GPHN: variants seen among roughly 807,000 people sequenced by gnomAD.
The protein encoded by GPHN is gephyrin.
In GPHN, 17 loss-of-function variants were observed where a neutral mutation model predicts 95.5. The ratio of observed to expected loss-of-function variants is 0.18; its 90% confidence interval spans 0.12 to 0.27. GPHN has a LOEUF of 0.27. Ranked by LOEUF, GPHN falls within the 10% of genes least tolerant of loss-of-function variation. The probability of loss-of-function intolerance (pLI) is 1.00; values close to 1 mark genes in which losing one functional copy is unlikely to be tolerated. For synonymous variants in GPHN, 320 were observed against 322.5 expected (o/e 0.99, Z 0.08); for missense variants, 660 against 978.1 (o/e 0.67, Z 4.34).
chr14:66,950,024 G>C (rs967606019), intron 8 of GPHN, among the ~76,000 whole-genome samples: 1 of 121,758 alleles, frequency 8.2e-6, no homozygotes, highest in Admixed American at 8.4e-5. Flanking sequence ...AAAAAGCATA[G>C]ATAAAGAATC....
intron 1 of GPHN, among the ~76,000 whole-genome samples, chr14:66,524,108 A>C (rs1268941565): frequency 6.6e-6 from 1 of 152,188 alleles, no homozygotes; most frequent in East Asian, 1.9e-4. Context: ...TGTGGAGAAA[A>C]TTCACATACA....
intron 11 of GPHN, among the ~76,000 whole-genome samples, chr14:67,087,037 CAAA>C (rs60067524): frequency 1.3e-5 from 1 of 77,228 alleles, no homozygotes; most frequent in Non-Finnish European, 3.1e-5. Flanking sequence ...GACTCTGTCT[CAAA>C]AAAAAAAAAA....
At chr14:67,562,127 C>T in the GPHN span, 25 of 1,610,560 alleles carry the variant, frequency 1.6e-5, no homozygotes, top group Middle Eastern at 1.6e-4. Context: ...TGTTTTTACC[C>T]GAATCACAGC....
At chr14:67,484,150 A>T in the GPHN span, among the ~76,000 whole-genome samples, 2 of 152,108 alleles carry the variant, frequency 1.3e-5, no homozygotes, top group African/African-American at 4.8e-5. Context: ...TCTACATAGC[A>T]CTTTCACTTT....
chr14:66,954,256 G>T (rs1216517404), intron 8 of GPHN, among the ~76,000 whole-genome samples: 1 of 152,068 alleles, frequency 6.6e-6, no homozygotes, highest in Non-Finnish European at 1.5e-5. Flanking sequence ...ATTAAGTATT[G>T]CATTCCATTA....
chr14:67,636,814 C>T, the GPHN span, among the ~76,000 whole-genome samples: 1 of 152,260 alleles, frequency 6.6e-6, no homozygotes, highest in East Asian at 1.9e-4. Flanking sequence ...CACATTGTTC[C>T]AAATCTATTT....
At chr14:66,629,485 G>T (rs1245453234) in intron 1 of GPHN, among the ~76,000 whole-genome samples, 1 of 151,824 alleles carries the variant, frequency 6.6e-6, no homozygotes, top group Non-Finnish European at 1.5e-5. Flanking sequence ...TGAAGGAACT[G>T]CCTGAGGCTG....
chr14:67,080,074 C>A (rs749755056), intron 11 of GPHN, among the ~76,000 whole-genome samples: 2 of 152,016 alleles, frequency 1.3e-5, no homozygotes, highest in African/African-American at 4.8e-5. Context: ...CTTATTCATG[C>A]CAAAACTTTT....
At chr14:67,226,887 G>A in the GPHN span, among the ~76,000 whole-genome samples, 8 of 152,270 alleles carry the variant, frequency 5.3e-5, no homozygotes, top group African/African-American at 1.9e-4. Context: ...AGACAGCGAT[G>A]GGTGGCATAC....
the GPHN span, among the ~76,000 whole-genome samples, chr14:67,203,743 T>C: frequency 6.6e-6 from 1 of 152,190 alleles, no homozygotes; most frequent in East Asian, 1.9e-4. Context: ...GATGGAGTCT[T>C]GCACTGTCAC....
At chr14:66,981,289 T>G (rs1041977824) in intron 9 of GPHN, among the ~76,000 whole-genome samples, 3 of 152,192 alleles carry the variant, frequency 2.0e-5, no homozygotes, top group Non-Finnish European at 4.4e-5. Context: ...ATTTCTTTCT[T>G]CCTTCCTTTA....
At chr14:66,998,582 A>G (rs1274017123) in intron 9 of GPHN, among the ~76,000 whole-genome samples, 1 of 152,106 alleles carries the variant, frequency 6.6e-6, no homozygotes, top group African/African-American at 2.4e-5. Context: ...TTTATTTTAT[A>G]GCATCACTAT....
chr14:66,773,962 A>G (rs1023960904), intron 2 of GPHN, among the ~76,000 whole-genome samples: 1 of 148,780 alleles, frequency 6.7e-6, no homozygotes, highest in Admixed American at 6.7e-5. Flanking sequence ...TTGACTGCTG[A>G]CATAAGGTAA....
chr14:67,108,632 CT>C, intron 13 of GPHN, among the ~76,000 whole-genome samples: 1 of 150,870 alleles, frequency 6.6e-6, no homozygotes, highest in East Asian at 1.9e-4. Context: ...ATTTTTAAGA[CT>C]TTTGTAATAA....
the GPHN span, among the ~76,000 whole-genome samples, chr14:67,286,803 G>T: frequency 2.1e-5 from 3 of 144,920 alleles, no homozygotes; most frequent in African/African-American, 7.9e-5. Flanking sequence ...GCTGCAGTGA[G>T]CTCTGATTAC....
chr14:67,564,288 C>T, the GPHN span, among the ~76,000 whole-genome samples: 240 of 152,202 alleles, frequency 1.6e-3, 3 homozygotes, highest in Admixed American at 0.015. Flanking sequence ...TAGGCAACTG[C>T]GCCAGGCCAG....
chr14:66,805,680 C>A (rs2060515031), intron 3 of GPHN, among the ~76,000 whole-genome samples: 1 of 152,192 alleles, frequency 6.6e-6, no homozygotes, highest in Non-Finnish European at 1.5e-5. Context: ...GCAGTCAAAT[C>A]TTTAAGCTGC....
intron 1 of GPHN, among the ~76,000 whole-genome samples, chr14:66,560,458 C>T (rs889920422): frequency 2.0e-3 from 298 of 152,264 alleles, no homozygotes; most frequent in African/African-American, 6.7e-3. Flanking sequence ...TCCTTCACGT[C>T]CCTTGTAAGT....
the GPHN span, among the ~76,000 whole-genome samples, chr14:67,509,854 A>C: frequency 6.6e-6 from 1 of 152,108 alleles, no homozygotes; most frequent in Non-Finnish European, 1.5e-5. Flanking sequence ...GTCTCCATAT[A>C]AACAATTTTA....
Sources: allele counts gnomAD v4.1 joint callset (sites outside exome capture counted in the v4.1 genomes callset), GRCh38; gene constraint gnomAD v4.1.1; transcripts MANE v1.5; gene names NCBI Gene and HGNC (gene_info 2026-07-23, HGNC 2026-07-21).